Variants in PTPRT observed in about 807,000 individuals in gnomAD.
The protein encoded by PTPRT is protein tyrosine phosphatase receptor type T.
A neutral mutation model predicts 176.8 loss-of-function variants in PTPRT; 56 were observed. The ratio of observed to expected loss-of-function variants is 0.32; its 90% CI spans 0.26 to 0.40. The LOEUF is 0.40. Among genes scored for constraint, PTPRT ranks in the 10% least tolerant of loss-of-function variants. The pLI is 1.00. For synonymous variants in PTPRT, 783 were observed against 739.0 expected, an observed-to-expected ratio of 1.06 and a Z score of -0.96; for missense variants, 1,540 against 1,908.2, an observed-to-expected ratio of 0.81 and a Z score of 3.60.
At chr20:42,662,986 GTA>G (rs976471357) in intron 7 of PTPRT, among the ~76,000 whole-genome samples, 8 of 143,072 alleles carry the variant, frequency 5.6e-5, no homozygotes, top group East Asian at 4.1e-4. Context: ...GTGTGTGTGT[GTA>G]TGTGTGTGTG....
At chr20:42,059,039 A>G in the PTPRT span, among the ~76,000 whole-genome samples, 1 of 152,156 alleles carries the variant, frequency 6.6e-6, no homozygotes, top group Non-Finnish European at 1.5e-5. Context: ...GGGCCTAGGT[A>G]TCTGAATTTG....
At chr20:42,803,773 A>C (rs966446843) in intron 2 of PTPRT, among the ~76,000 whole-genome samples, 3 of 152,150 alleles carry the variant, frequency 2.0e-5, no homozygotes, top group African/African-American at 7.2e-5. Flanking sequence ...AGGTTGGTCT[A>C]GAACTCCTGA....
intron 1 of PTPRT, among the ~76,000 whole-genome samples, chr20:42,942,780 AC>A (rs1407258505): frequency 1.3e-5 from 2 of 152,210 alleles, no homozygotes; most frequent in Non-Finnish European, 2.9e-5. Context: ...TATTGATGGT[AC>A]TAACCATCAA....
chr20:42,360,627 G>C (rs182466698), intron 9 of PTPRT, among the ~76,000 whole-genome samples: 1 of 152,224 alleles, frequency 6.6e-6, no homozygotes, highest in East Asian at 1.9e-4. Flanking sequence ...ATACTTCTTG[G>C]GTTTCTGAAC....
intron 2 of PTPRT, among the ~76,000 whole-genome samples, chr20:42,831,375 A>G (rs2078084941): frequency 6.6e-6 from 1 of 152,200 alleles, no homozygotes; most frequent in Non-Finnish European, 1.5e-5. Context: ...ACAAAAATCA[A>G]CTCAAGATGA....
chr20:42,086,882 A>C (rs1207113247), intron 27 of PTPRT, among the ~76,000 whole-genome samples: 1 of 149,916 alleles, frequency 6.7e-6, no homozygotes, highest in East Asian at 2.0e-4. Context: ...CTTACTTTGC[A>C]CCAAAAGTTA....
intron 7 of PTPRT, among the ~76,000 whole-genome samples, chr20:42,476,218 G>A (rs1328780251): frequency 1.3e-5 from 2 of 152,196 alleles, no homozygotes; most frequent in Admixed American, 1.3e-4. Context: ...CTTGTGTGGG[G>A]TAGAAGCTGC....
At chr20:42,374,456 T>A (rs1016118116) in intron 9 of PTPRT, among the ~76,000 whole-genome samples, 1 of 152,116 alleles carries the variant, frequency 6.6e-6, no homozygotes, top group Admixed American at 6.5e-5. Context: ...AGTTTAAAAA[T>A]CATACGGTAA....
chr20:42,833,133 T>A (rs539878561), intron 2 of PTPRT, among the ~76,000 whole-genome samples: 21 of 151,894 alleles, frequency 1.4e-4, no homozygotes, highest in Non-Finnish European at 2.6e-4. Context: ...GAATATGTTA[T>A]CAAAGAAATG....
chr20:42,254,041 C>T (rs2056594440), intron 13 of PTPRT, among the ~76,000 whole-genome samples: 1 of 152,122 alleles, frequency 6.6e-6, no homozygotes, highest in Admixed American at 6.5e-5. Context: ...AGCTCTACTT[C>T]CCTCCCTCAA....
chr20:42,147,616 T>G (rs1050146699), intron 17 of PTPRT, among the ~76,000 whole-genome samples: 3 of 152,154 alleles, frequency 2.0e-5, no homozygotes, highest in African/African-American at 7.2e-5. Context: ...CCTCTCACCA[T>G]CAACAAACAC....
At chr20:43,020,556 T>A (rs974215598) in intron 1 of PTPRT, among the ~76,000 whole-genome samples, 3 of 152,122 alleles carry the variant, frequency 2.0e-5, no homozygotes, top group African/African-American at 7.2e-5. Flanking sequence ...CAGACGTGAT[T>A]TAAAATAGAA....
At chr20:42,807,268 C>T (rs1002737040) in intron 2 of PTPRT, among the ~76,000 whole-genome samples, 4 of 152,140 alleles carry the variant, frequency 2.6e-5, no homozygotes, top group African/African-American at 9.7e-5. Context: ...CTCTGTTTTT[C>T]CGACCATTCC....
chr20:43,050,614 T>A lies in PTPRT; in HGVS notation c.88+139032A>T, dbSNP rs573233691. ...GACACTGGGTAAACATAAGCTCTGATCCTGGGTCTACCTCTTCACAGATGA... is the reference window on the plus strand; with the variant it reads ...GACACTGGGTAAACATAAGCTCTGAACCTGGGTCTACCTCTTCACAGATGA... On this transcript the variant is annotated intron_variant, in intron 1 of 30. Transcript: ENST00000373187. Among the ~76,000 whole-genome samples the A allele has an allele frequency of 2.6e-5, 4 of 152,330 alleles. No individual in the cohort carries two copies. In the East Asian group the frequency reaches 7.7e-4, roughly 29 times the overall value.
intron 7 of PTPRT, among the ~76,000 whole-genome samples, chr20:42,537,683 A>G (rs1286916190): frequency 6.6e-6 from 1 of 152,188 alleles, no homozygotes; most frequent in Non-Finnish European, 1.5e-5. Flanking sequence ...CCCAAGCTCC[A>G]TACTAGGTAT....
At chr20:42,492,957 T>C (rs1214355496) in intron 7 of PTPRT, among the ~76,000 whole-genome samples, 1 of 152,352 alleles carries the variant, frequency 6.6e-6, no homozygotes, top group East Asian at 1.9e-4. Flanking sequence ...AGATCTTCAA[T>C]GTCTCTAGTT....
At chr20:42,960,122 C>T (rs997618069) in intron 1 of PTPRT, among the ~76,000 whole-genome samples, 4 of 152,182 alleles carry the variant, frequency 2.6e-5, no homozygotes, top group Non-Finnish European at 5.9e-5. Flanking sequence ...TAGGAACTCC[C>T]TCATATACAG....
At chr20:42,244,823 G>A (rs1355238922) in intron 14 of PTPRT, among the ~76,000 whole-genome samples, 5 of 152,204 alleles carry the variant, frequency 3.3e-5, no homozygotes, top group African/African-American at 7.2e-5. Context: ...AGACATGCTG[G>A]TTAAGGCAAT....
intron 2 of PTPRT, among the ~76,000 whole-genome samples, chr20:42,835,174 G>A (rs1275693400): frequency 6.6e-6 from 1 of 152,192 alleles, no homozygotes; most frequent in African/African-American, 2.4e-5. Flanking sequence ...TTCTAGGCAT[G>A]TAAATTCAAG....
Sources: gnomAD v4.1 joint callset for allele counts (sites outside exome capture counted in the v4.1 genomes callset) on GRCh38, gnomAD v4.1.1 for gene constraint, MANE v1.5 for transcripts, NCBI Gene and HGNC (gene_info 2026-07-23, HGNC 2026-07-21) for gene names.